Variants in YWHAE observed in about 807,000 individuals in gnomAD.
YWHAE encodes the protein tyrosine 3-monooxygenase/tryptophan 5-monooxygenase activation protein epsilon.
Under a neutral mutation model 30.1 loss-of-function variants are expected in YWHAE, and 4 were observed. The ratio of observed to expected loss-of-function variants is 0.13; its 90% confidence interval spans 0.07 to 0.30. YWHAE has a LOEUF of 0.30. Ranked by LOEUF, YWHAE falls within the 10% of genes least tolerant of loss-of-function variation. The pLI is 1.00. For missense variants in YWHAE, 121 were observed against 315.9 expected (o/e 0.38, Z 4.68); for synonymous variants, 118 against 111.8 (o/e 1.06, Z -0.35).
At chr17:1,359,100 C>T (rs930717297) in intron 4 of YWHAE, among the ~76,000 whole-genome samples, 1 of 151,158 alleles carries the variant, frequency 6.6e-6, no homozygotes, top group Non-Finnish European at 1.5e-5. Context: ...CACGCCACTG[C>T]ACTCCAGCCT....
intron 2 of YWHAE, 35 bp from the exon 3 acceptor site, chr17:1,362,043 A>G: frequency 7.7e-7 from 1 of 1,306,776 alleles, no homozygotes; most frequent in Non-Finnish European, 1.0e-6. Flanking sequence ...AATCAGATTA[A>G]GTCTAGAAAT....
intron 5 of YWHAE, among the ~76,000 whole-genome samples, chr17:1,348,399 T>C (rs2072561676): frequency 6.6e-6 from 1 of 152,162 alleles, no homozygotes; most frequent in South Asian, 2.1e-4. Context: ...GATCCCTCCC[T>C]TTAAAGAAAT....
intron 4 of YWHAE, among the ~76,000 whole-genome samples, chr17:1,360,662 A>C (rs981029035): frequency 6.6e-6 from 1 of 152,172 alleles, no homozygotes; most frequent in Non-Finnish European, 1.5e-5. Flanking sequence ...GTTACTCAGG[A>C]GGCTGAGACA....
chr17:1,357,928 G>C (rs569889986), intron 4 of YWHAE, among the ~76,000 whole-genome samples: 13 of 150,566 alleles, frequency 8.6e-5, no homozygotes, highest in African/African-American at 2.9e-4. Context: ...CTCTCCTCTC[G>C]GGGGAAAAAA....
chr17:1,362,258 C>T (rs1461696975), intron 2 of YWHAE, among the ~76,000 whole-genome samples: 1 of 152,038 alleles, frequency 6.6e-6, no homozygotes, highest in Admixed American at 6.6e-5. Flanking sequence ...ACACGCCAGC[C>T]CCCACACCCC....
intron 5 of YWHAE, among the ~76,000 whole-genome samples, chr17:1,345,802 A>G (rs1429572376): frequency 6.6e-6 from 1 of 152,230 alleles, no homozygotes; most frequent in African/African-American, 2.4e-5. Flanking sequence ...CTAAAATGAC[A>G]TTCAAGCTTT....
chr17:1,368,190 C>T (rs9915564), intron 1 of YWHAE, among the ~76,000 whole-genome samples: 20,855 of 152,004 alleles, frequency 0.14, 2,437 homozygotes, highest in African/African-American at 0.32. Flanking sequence ...AGATCGAGAC[C>T]AGCCTGACCA....
At chr17:1,368,080 G>A (rs557887663) in intron 1 of YWHAE, among the ~76,000 whole-genome samples, 17 of 151,892 alleles carry the variant, frequency 1.1e-4, no homozygotes, top group East Asian at 1.9e-4. Flanking sequence ...GTGACACCCC[G>A]TCTCTACTAA....
intron 1 of YWHAE, among the ~76,000 whole-genome samples, chr17:1,393,113 G>A (rs1020017525): frequency 6.6e-6 from 1 of 150,764 alleles, no homozygotes; most frequent in Non-Finnish European, 1.5e-5. Context: ...CTGGGTGACA[G>A]AGCAAGACTC....
intron 4 of YWHAE, among the ~76,000 whole-genome samples, chr17:1,355,115 T>TAGAAAAAAAAAAAAAA (rs2072712838): frequency 1.4e-5 from 1 of 72,366 alleles, no homozygotes; most frequent in Non-Finnish European, 2.5e-5. Flanking sequence ...CCAAGATTTT[T>TAGAAAAAAAAAAAAAA]TAAAAAAAAA....
Position 1,345,307 on chromosome 17 carries a change from A to C in YWHAE, c.*140T>G, listed in dbSNP as rs954155692. On this transcript the variant is annotated 3_prime_UTR_variant, in exon 6 of 6. Coordinates refer to ENST00000264335, the MANE Select transcript of YWHAE (RefSeq NM_006761.5). ...AACTGTTTAAAAAAAAAAAAAAAAAACCAACAGGGCAGGAACCTAAATTCT... is the reference window on the plus strand; with the variant it reads ...AACTGTTTAAAAAAAAAAAAAAAAACCCAACAGGGCAGGAACCTAAATTCT... The C allele has an allele frequency of 7.6e-6, 6 of 792,180 alleles. No homozygotes were observed. Among genetic ancestry groups the C allele is most frequent in the Middle Eastern group, 2.6e-4 (1 of 3,826 alleles). 49.1% of individuals were successfully genotyped at this position (792,180 alleles called of 1,614,324 possible).
At chr17:1,378,997 A>T (rs996891978) in intron 1 of YWHAE, among the ~76,000 whole-genome samples, 50 of 152,160 alleles carry the variant, frequency 3.3e-4, no homozygotes, top group Non-Finnish European at 4.4e-5. Context: ...AAAGTTACAA[A>T]ACATTCTCAG....
At position 1,346,803 on chromosome 17, in the gene YWHAE, A is replaced by G. The variant is rs144377234; in HGVS notation, c.716-1304T>C. On this transcript the variant is annotated intron_variant, in intron 5 of 5. Coordinates refer to ENST00000264335, the MANE Select transcript of YWHAE (RefSeq NM_006761.5). Reference sequence around the variant, plus strand: ...AGATCAAGACCATCCTGGCTAACACAGTAAATCCCCATCTCTACTGAAAAA... The same window carrying G: ...AGATCAAGACCATCCTGGCTAACACGGTAAATCCCCATCTCTACTGAAAAA... Among the ~76,000 whole-genome samples the G allele has an allele frequency of 7.3e-3, 1,103 of 151,866 alleles. 13 individuals carry two copies. Among genetic ancestry groups the G allele is most frequent in the African/African-American group, 0.025 (1,034 of 41,368 alleles).
intron 1 of YWHAE, among the ~76,000 whole-genome samples, chr17:1,368,476 A>C (rs753502347): frequency 6.6e-6 from 1 of 151,826 alleles, no homozygotes; most frequent in Admixed American, 6.6e-5. Context: ...AGGCAGGGGA[A>C]TCGCTTGAAC....
At chr17:1,392,587 C>T (rs1391759710) in intron 1 of YWHAE, among the ~76,000 whole-genome samples, 4 of 152,160 alleles carry the variant, frequency 2.6e-5, no homozygotes, top group African/African-American at 4.8e-5. Flanking sequence ...CGGTGGCTCA[C>T]ACCTATAATC....
At chr17:1,363,885 C>T (rs1316554719) in intron 2 of YWHAE, among the ~76,000 whole-genome samples, 3 of 151,956 alleles carry the variant, frequency 2.0e-5, no homozygotes, top group Non-Finnish European at 4.4e-5. Flanking sequence ...TCAACAGCAG[C>T]ACTCCCGACA....
At position 1,400,147 on chromosome 17, in the gene YWHAE, G is replaced by A. The variant is rs376066964; in HGVS notation, c.-37C>T. The A allele has an allele frequency of 1.2e-6, 2 of 1,612,580 alleles. No homozygotes were observed. The highest frequency in any genetic ancestry group is 8.5e-7 in the Non-Finnish European group (1 of 1,178,720). On this transcript the variant is annotated 5_prime_UTR_variant, in exon 1 of 6. Coordinates refer to ENST00000264335, the MANE Select transcript of YWHAE (RefSeq NM_006761.5). Reference sequence around the variant, plus strand: ...CTCCGGCAGGGTCTGCGCGACGGATGGAAGCGGATAGTGTCTCCGACTCTC... The same window carrying A: ...CTCCGGCAGGGTCTGCGCGACGGATAGAAGCGGATAGTGTCTCCGACTCTC...
intron 1 of YWHAE, among the ~76,000 whole-genome samples, chr17:1,385,569 T>C (rs1451549273): frequency 1.3e-5 from 2 of 152,054 alleles, no homozygotes; most frequent in Non-Finnish European, 2.9e-5. Flanking sequence ...TATGGGTGCA[T>C]GGCCTGGGCA....
At chr17:1,375,218 T>C (rs977391392) in intron 1 of YWHAE, among the ~76,000 whole-genome samples, 17 of 152,160 alleles carry the variant, frequency 1.1e-4, no homozygotes, top group Non-Finnish European at 1.9e-4. Flanking sequence ...TCTTTATCCT[T>C]TTAACACCAG....
Sources: allele counts gnomAD v4.1 joint callset (sites outside exome capture counted in the v4.1 genomes callset), GRCh38; gene constraint gnomAD v4.1.1; transcripts MANE v1.5; gene names NCBI Gene and HGNC (gene_info 2026-07-23, HGNC 2026-07-21).